The following ANKRD11 variants were observed in gnomAD, a reference collection of about 807,000 sequenced individuals.
ANKRD11 encodes ankyrin repeat domain 11.
A neutral mutation model predicts 195.7 loss-of-function variants in ANKRD11; 17 were observed. The observed-to-expected ratio is 0.09, with a 90% CI of 0.06 to 0.13. The LOEUF (loss-of-function observed/expected upper bound fraction) is 0.13, where lower values mean the gene tolerates loss of function less well. Ranked by LOEUF, ANKRD11 falls within the 10% of genes least tolerant of loss-of-function variation. The pLI, the probability that ANKRD11 is intolerant of heterozygous loss-of-function variation, is 1.00. For synonymous variants in ANKRD11, 1,953 were observed against 1,528.1 expected, an observed-to-expected ratio of 1.28 and a Z score of -6.49; for missense variants, 3,735 against 3,566.1, an observed-to-expected ratio of 1.05 and a Z score of -1.21.
chr16:89,304,556 G>A (rs1157101357), intron 4 of ANKRD11, among the ~76,000 whole-genome samples: 7 of 146,734 alleles, frequency 4.8e-5, no homozygotes, highest in Admixed American at 6.8e-5. Context: ...GCACATACAC[G>A]GGCACACACA....
intron 2 of ANKRD11, among the ~76,000 whole-genome samples, chr16:89,372,234 A>G (rs1454786715): frequency 2.0e-5 from 3 of 152,240 alleles, no homozygotes; most frequent in African/African-American, 7.2e-5. Flanking sequence ...AGCTGGGGAA[A>G]GAGCCACACG....
chr16:89,477,123 C>G (rs1227502599), intron 1 of ANKRD11, among the ~76,000 whole-genome samples: 2 of 151,682 alleles, frequency 1.3e-5, no homozygotes, highest in African/African-American at 4.8e-5. Flanking sequence ...AGAGAATTAG[C>G]TAGTTAAATT....
chr16:89,424,436 T>C (rs553082342), intron 1 of ANKRD11, among the ~76,000 whole-genome samples: 1 of 108,150 alleles, frequency 9.2e-6, no homozygotes, highest in African/African-American at 3.6e-5. Context: ...AGCAAAACTC[T>C]GTCTCAAAAA....
chr16:89,405,898 A>C (rs1042184153), intron 2 of ANKRD11, among the ~76,000 whole-genome samples: 3 of 152,056 alleles, frequency 2.0e-5, no homozygotes, highest in Non-Finnish European at 2.9e-5. Context: ...TCACCTGAGG[A>C]CAGGAGTTCG....
chr16:89,375,948 G>A (rs893427124), intron 2 of ANKRD11, among the ~76,000 whole-genome samples: 7 of 152,238 alleles, frequency 4.6e-5, no homozygotes, highest in East Asian at 3.9e-4. Flanking sequence ...CTAAACTTGC[G>A]TGACACGCCG....
intron 2 of ANKRD11, among the ~76,000 whole-genome samples, chr16:89,351,005 T>G (rs889276234): frequency 1.3e-5 from 2 of 152,208 alleles, no homozygotes; most frequent in African/African-American, 4.8e-5. Flanking sequence ...CACTCTGTGA[T>G]GCTCAGAGGA....
chr16:89,350,664 G>C (rs1435957578), intron 2 of ANKRD11, among the ~76,000 whole-genome samples: 1 of 152,200 alleles, frequency 6.6e-6, no homozygotes, highest in Non-Finnish European at 1.5e-5. Context: ...CTGCAAAGAG[G>C]AAAGGGGGAA....
At chr16:89,367,496 T>G (rs1597803427) in intron 2 of ANKRD11, among the ~76,000 whole-genome samples, 1 of 152,198 alleles carries the variant, frequency 6.6e-6, no homozygotes, top group Non-Finnish European at 1.5e-5. Flanking sequence ...AGTGTACAGC[T>G]GCCATGGTCA....
chr16:89,373,746 C>A (rs1597825178), intron 2 of ANKRD11, among the ~76,000 whole-genome samples: 1 of 152,234 alleles, frequency 6.6e-6, no homozygotes, highest in East Asian at 1.9e-4. Context: ...CACACGACAC[C>A]CCTCCCACAC....
chr16:89,490,350 AGGC>A lies in ANKRD11; in HGVS notation c.-253_-251del, dbSNP rs953053004. 280 of 148,748 alleles carry A rather than the reference AGGC, an allele frequency of 1.9e-3. 2 individuals carry two copies. Among genetic ancestry groups the A allele is most frequent in the Admixed American group, 3.7e-3 (55 of 14,820 alleles). 9.2% of individuals were successfully genotyped at this position (148,748 alleles called of 1,614,324 possible). A position where few individuals can be genotyped will look rare whatever the true frequency, so the allele number is the denominator to read the frequency against. On this transcript the variant is annotated 5_prime_UTR_variant, in exon 1 of 13. Coordinates refer to ENST00000301030, the MANE Select transcript of ANKRD11 (RefSeq NM_013275.6). Reference sequence around the variant, plus strand: ...CCCGGGCCGCGCGGCCCGAGCGGCAAGGCGGCGGCGGCGGCGGCGCGGGCTCGG... The same window carrying A: ...CCCGGGCCGCGCGGCCCGAGCGGCAAGGCGGCGGCGGCGGCGCGGGCTCGG...
chr16:89,381,749 C>G (rs1441514234), intron 2 of ANKRD11, among the ~76,000 whole-genome samples: 1 of 152,114 alleles, frequency 6.6e-6, no homozygotes, highest in Admixed American at 6.5e-5. Flanking sequence ...GCATATACAC[C>G]CCTCCTTACC....
At position 89,423,531 on chromosome 16, in the gene ANKRD11, C is replaced by G. The variant is rs369516040; in HGVS notation, c.-144-5163G>C. Among the ~76,000 whole-genome samples the G allele has an allele frequency of 2.6e-5, 4 of 152,298 alleles. No individual in the cohort carries two copies. In the East Asian group the frequency reaches 7.7e-4, roughly 29 times the overall value. ...CTTTTTCAGTAACTTCAAATACATG[C>G]ACAGAGAAGGCATGAGATGTGTGGT... On this transcript the variant is annotated intron_variant, in intron 1 of 12. Coordinates refer to ENST00000301030, the MANE Select transcript of ANKRD11 (RefSeq NM_013275.6).
intron 2 of ANKRD11, among the ~76,000 whole-genome samples, chr16:89,357,019 T>C (rs1161773140): frequency 6.6e-6 from 1 of 152,166 alleles, no homozygotes; most frequent in African/African-American, 2.4e-5. Context: ...CCAATGCTAA[T>C]GGTTCAACAG....
At chr16:89,317,265 A>G (rs1423754508) in intron 2 of ANKRD11, among the ~76,000 whole-genome samples, 187 bp from the exon 3 acceptor site, 1 of 152,238 alleles carries the variant, frequency 6.6e-6, no homozygotes, top group Non-Finnish European at 1.5e-5. Context: ...GTCACCAGCA[A>G]CAGGAATGGC....
rs551695649 is a variant in ANKRD11, at chr16:89,441,538, C to T, written c.-144-23170G>A. ...ATCCCAGCACTTTGGGAGGCCAAGG[C>T]GGGCGGATCACGAGGTCAGCAGATG... On this transcript the variant is annotated intron_variant, in intron 1 of 12. Transcript: ENST00000301030. Among the ~76,000 whole-genome samples, 88 of 152,130 alleles carry T rather than the reference C, an allele frequency of 5.8e-4. 1 individual carries two copies. The Middle Eastern group carries it at 0.014, about 24-fold the overall frequency.
intron 2 of ANKRD11, among the ~76,000 whole-genome samples, chr16:89,402,222 G>A (rs1016043083): frequency 1.3e-5 from 2 of 152,138 alleles, no homozygotes; most frequent in East Asian, 3.9e-4. Flanking sequence ...AAAGGCAGGC[G>A]AAATGTGGAA....
At position 89,282,005 on chromosome 16, in the gene ANKRD11, C is replaced by T. The variant is rs1289430140; in HGVS notation, c.4537G>A (p.Val1513Met). Residue 1513 changes from valine (V) to methionine (M), a missense_variant, in exon 9 of 13, where the codon GTG becomes ATG. Val to Met is a conservative substitution (Grantham distance 21). Coordinates refer to ENST00000301030, the MANE Select transcript of ANKRD11 (RefSeq NM_013275.6). ...ATRDKDSPPR[V>M]LKDKSRDEGP... is the part of the protein sequence containing the mutation. The stretch of plus-strand genomic sequence containing the variant: ...TCGTCCCTGGACTTGTCTTTGAGCA[C>T]GCGGGGCGGGCTGTCCTTGTCCCTG... 4 of 1,613,192 alleles carry T rather than the reference C, an allele frequency of 2.5e-6. No homozygotes were observed. Among genetic ancestry groups the T allele is most frequent in the African/African-American group, 1.3e-5 (1 of 74,936 alleles).
chr16:89,284,202 ATTC>A lies in ANKRD11; in HGVS notation c.2337_2339del (p.Lys779del), dbSNP rs1163513451. The A allele has an allele frequency of 8.7e-6, 14 of 1,611,066 alleles. No individual in the cohort carries two copies. Among genetic ancestry groups the A allele is most frequent in the Admixed American group, 3.4e-5 (2 of 59,584 alleles). ...TTGAAATTTTGTCCTCTTTTAAATC[ATTC>A]TTCTTCTCTAATTTTGAGGGCCGGT... On this transcript the variant is annotated inframe_deletion, in exon 9 of 13. Transcript: ENST00000301030.
At chr16:89,411,146 C>T (rs1423201828) in intron 2 of ANKRD11, among the ~76,000 whole-genome samples, 2 of 152,266 alleles carry the variant, frequency 1.3e-5, no homozygotes, top group South Asian at 2.1e-4. Flanking sequence ...CACAGGGGCT[C>T]GGGCCCACGC....
Sources: allele counts gnomAD v4.1 joint callset (sites outside exome capture counted in the v4.1 genomes callset), GRCh38; gene constraint gnomAD v4.1.1; transcripts MANE v1.5; gene names NCBI Gene and HGNC (gene_info 2026-07-23, HGNC 2026-07-21).